PLD5: variants seen among roughly 807,000 people sequenced by gnomAD.
The protein encoded by PLD5 is phospholipase D family member 5.
Under a neutral mutation model 61.1 loss-of-function variants are expected in PLD5, and 36 were observed. The ratio of observed to expected loss-of-function variants is 0.59; its 90% CI spans 0.45 to 0.78. The LOEUF (loss-of-function observed/expected upper bound fraction) is 0.78, where lower values mean the gene tolerates loss of function less well. Ranked by LOEUF, PLD5 falls within the 30% of genes least tolerant of loss-of-function variation. The pLI, the probability that PLD5 is intolerant of heterozygous loss-of-function variation, is 0.00. For synonymous variants in PLD5, 243 were observed against 242.8 expected, an observed-to-expected ratio of 1.00 and a Z score of -0.01; for missense variants, 515 against 644.4, an observed-to-expected ratio of 0.80 and a Z score of 2.17.
chr1:242,325,433 G>T (rs1191544575), intron 2 of PLD5, among the ~76,000 whole-genome samples: 2 of 137,640 alleles, frequency 1.5e-5, no homozygotes, highest in South Asian at 2.7e-4. Flanking sequence ...AGAAAGGGGT[G>T]GGGGGGAGAG....
intron 2 of PLD5, among the ~76,000 whole-genome samples, chr1:242,311,157 C>A (rs1676676551): frequency 6.6e-6 from 1 of 152,002 alleles, no homozygotes; most frequent in Non-Finnish European, 1.5e-5. Context: ...CGCCAAGTAA[C>A]CAATTATTAG....
chr1:242,489,376 A>T (rs1373269810), intron 1 of PLD5, among the ~76,000 whole-genome samples: 1 of 38,800 alleles, frequency 2.6e-5, no homozygotes, highest in East Asian at 3.3e-4. Flanking sequence ...ACATTTGATT[A>T]AAAAAAAAAA....
At chr1:242,508,745 G>GA (rs139199343) in intron 1 of PLD5, among the ~76,000 whole-genome samples, 2,752 of 150,880 alleles carry the variant, frequency 0.018, 83 homozygotes, top group African/African-American at 0.064. Context: ...TATCCAAATA[G>GA]AAAAAAAAAG....
chr1:242,104,847 T>G (rs1209004030), intron 8 of PLD5, among the ~76,000 whole-genome samples: 1 of 152,220 alleles, frequency 6.6e-6, no homozygotes, highest in Non-Finnish European at 1.5e-5. Context: ...ATATAATCTA[T>G]AGAAGGCATT....
chr1:242,526,084 CA>C (rs1002167403), upstream of PLD5, among the ~76,000 whole-genome samples: 17 of 152,284 alleles, frequency 1.1e-4, no homozygotes, highest in Admixed American at 1.3e-4. Context: ...AATTACACTT[CA>C]AAACAAGGAT....
chr1:242,114,245 T>C (rs1375100559), intron 6 of PLD5, among the ~76,000 whole-genome samples: 1 of 152,162 alleles, frequency 6.6e-6, no homozygotes, highest in Admixed American at 6.5e-5. Flanking sequence ...GAAAGAATTC[T>C]TTTATTATCT....
chr1:242,103,509 C>T (rs539506002), intron 8 of PLD5, among the ~76,000 whole-genome samples: 11 of 152,302 alleles, frequency 7.2e-5, no homozygotes, highest in African/African-American at 2.4e-4. Context: ...GCTGGAGCTC[C>T]GTATGCCACT....
intron 1 of PLD5, among the ~76,000 whole-genome samples, chr1:242,442,448 G>A (rs377527716): frequency 7.2e-5 from 11 of 152,144 alleles, no homozygotes; most frequent in East Asian, 5.8e-4. Context: ...GGGATTATTC[G>A]CTTCTTTTTT....
chr1:242,289,599 C>G (rs542558261), intron 2 of PLD5, among the ~76,000 whole-genome samples: 1 of 152,124 alleles, frequency 6.6e-6, no homozygotes, highest in Non-Finnish European at 1.5e-5. Flanking sequence ...ATGATCCCCC[C>G]CTGCCTTGGC....
chr1:242,343,633 A>G (rs1291207898), intron 2 of PLD5, among the ~76,000 whole-genome samples: 1 of 151,616 alleles, frequency 6.6e-6, no homozygotes, highest in South Asian at 2.1e-4. Flanking sequence ...GGAGGAATGT[A>G]GAACTGAACA....
At chr1:242,234,171 C>T (rs1230687685) in intron 4 of PLD5, among the ~76,000 whole-genome samples, 1 of 152,110 alleles carries the variant, frequency 6.6e-6, no homozygotes, top group African/African-American at 2.4e-5. Flanking sequence ...AAATGAGATA[C>T]AAATTCATTT....
At chr1:242,220,677 A>G (rs1024468732) in intron 4 of PLD5, among the ~76,000 whole-genome samples, 1 of 149,334 alleles carries the variant, frequency 6.7e-6, no homozygotes, top group African/African-American at 2.5e-5. Context: ...TCTCTTCTTC[A>G]TCTTTATCTG....
chr1:242,097,435 T>C (rs1293847466), intron 9 of PLD5, among the ~76,000 whole-genome samples: 16 of 152,184 alleles, frequency 1.1e-4, no homozygotes, highest in Admixed American at 7.9e-4. Context: ...TTTTAATGAT[T>C]GCCATTCTAA....
chr1:242,497,024 A>G (rs1378012791), intron 1 of PLD5, among the ~76,000 whole-genome samples: 1 of 152,202 alleles, frequency 6.6e-6, no homozygotes, highest in African/African-American at 2.4e-5. Context: ...CAGAAGCCCA[A>G]GCAGACAGTT....
At chr1:242,142,746 GTCTC>G in intron 5 of PLD5, among the ~76,000 whole-genome samples, 1 of 134,814 alleles carries the variant, frequency 7.4e-6, no homozygotes, top group South Asian at 2.5e-4. Flanking sequence ...CTCTCTCTCT[GTCTC>G]TATCTCTCTG....
intron 1 of PLD5, among the ~76,000 whole-genome samples, chr1:242,489,662 G>A (rs1294129814): frequency 6.6e-6 from 1 of 152,106 alleles, no homozygotes; most frequent in Non-Finnish European, 1.5e-5. Context: ...AAAACAATAA[G>A]CATACCATTA....
At chr1:242,434,557 T>C (rs1298557550) in intron 1 of PLD5, among the ~76,000 whole-genome samples, 1 of 152,184 alleles carries the variant, frequency 6.6e-6, no homozygotes, top group Non-Finnish European at 1.5e-5. Context: ...TTCTGAGACA[T>C]GAATTCATTG....
At chr1:242,501,573 A>T (rs1296762183) in intron 1 of PLD5, among the ~76,000 whole-genome samples, 1 of 152,138 alleles carries the variant, frequency 6.6e-6, no homozygotes, top group East Asian at 1.9e-4. Flanking sequence ...AAAGAAACGG[A>T]ATGAAAACTA....
chr1:242,488,928 A>C (rs1668051599), intron 1 of PLD5, among the ~76,000 whole-genome samples: 1 of 152,184 alleles, frequency 6.6e-6, no homozygotes, highest in Non-Finnish European at 1.5e-5. Context: ...TTAAAATTAT[A>C]GTACTGATGA....
Sources: allele counts gnomAD v4.1 joint callset (sites outside exome capture counted in the v4.1 genomes callset), GRCh38; gene constraint gnomAD v4.1.1; transcripts MANE v1.5; gene names NCBI Gene and HGNC (gene_info 2026-07-23, HGNC 2026-07-21).